The following MYO5A variants were observed in gnomAD, a reference collection of about 807,000 sequenced individuals.
MYO5A encodes the protein myosin VA, also known as unconventional myosin-Va.
A neutral mutation model predicts 249.7 loss-of-function variants in MYO5A; 98 were observed. That is an observed-to-expected ratio of 0.39 (90% CI 0.33 to 0.46). The LOEUF (loss-of-function observed/expected upper bound fraction) is 0.46. Ranked by LOEUF, MYO5A falls within the 20% of genes least tolerant of loss-of-function variation. MYO5A has a pLI of 0.98. For missense variants in MYO5A, 1,696 were observed against 2,308.8 expected (o/e 0.73, Z 5.44); for synonymous variants, 778 against 810.6 (o/e 0.96, Z 0.68).
intron 9 of MYO5A, among the ~76,000 whole-genome samples, chr15:52,404,208 T>G (rs981000869): frequency 7.1e-6 from 1 of 141,084 alleles, no homozygotes; most frequent in African/African-American, 2.7e-5. Flanking sequence ...GAGGTTGCAG[T>G]GAGCCGAGAT....
At chr15:52,385,999 G>C (rs1190003045) in intron 14 of MYO5A, among the ~76,000 whole-genome samples, 2 of 152,164 alleles carry the variant, frequency 1.3e-5, no homozygotes, top group Non-Finnish European at 2.9e-5. Context: ...TCAGAATAAA[G>C]ATAACTGATC....
At chr15:52,509,598 T>C (rs2077349387) in intron 1 of MYO5A, among the ~76,000 whole-genome samples, 1 of 152,214 alleles carries the variant, frequency 6.6e-6, no homozygotes, top group Admixed American at 6.5e-5. Flanking sequence ...AACACACAAA[T>C]GTTTGCTTGC....
chr15:52,322,137 G>C (rs1337346933), intron 37 of MYO5A, among the ~76,000 whole-genome samples: 1 of 152,202 alleles, frequency 6.6e-6, no homozygotes, highest in African/African-American at 2.4e-5. Context: ...CTGATGCTAC[G>C]TGATAAAGGC....
chr15:52,418,031 T>A (rs2043595875), intron 4 of MYO5A, among the ~76,000 whole-genome samples: 1 of 152,060 alleles, frequency 6.6e-6, no homozygotes, highest in Admixed American at 6.6e-5. Flanking sequence ...CTGAACAAGG[T>A]CTACAAAAAT....
At chr15:52,379,986 T>C in intron 16 of MYO5A, 78 bp from the exon 17 acceptor site, 2 of 1,471,796 alleles carry the variant, frequency 1.4e-6, no homozygotes, top group Non-Finnish European at 1.9e-6. Flanking sequence ...AGTCAGGGTG[T>C]AAATTCTTTC....
intron 21 of MYO5A, among the ~76,000 whole-genome samples, chr15:52,370,916 T>C (rs941131899): frequency 1.3e-5 from 2 of 151,894 alleles, no homozygotes; most frequent in African/African-American, 4.8e-5. Context: ...AGTTCAAGAC[T>C]AGCCTGGGCA....
chr15:52,410,181 C>T, intron 6 of MYO5A, 152 bp downstream of exon 6: 1 of 970,090 alleles, frequency 1.0e-6, no homozygotes, highest in Non-Finnish European at 1.6e-6. Context: ...TAACAGGCAC[C>T]ATTTTACAGG....
intron 28 of MYO5A, among the ~76,000 whole-genome samples, chr15:52,350,580 C>A (rs1394805007): frequency 6.6e-6 from 1 of 152,082 alleles, no homozygotes; most frequent in Non-Finnish European, 1.5e-5. Flanking sequence ...GGGAGGCAGG[C>A]CAGGTTTTCA....
At chr15:52,394,110 C>T (rs2042380836) in intron 11 of MYO5A, among the ~76,000 whole-genome samples, 1 of 152,168 alleles carries the variant, frequency 6.6e-6, no homozygotes. Context: ...CCTTCAAACA[C>T]TAAGCATGCC....
At chr15:52,497,629 C>T (rs1326434448) in intron 1 of MYO5A, among the ~76,000 whole-genome samples, 1 of 150,522 alleles carries the variant, frequency 6.6e-6, no homozygotes. Context: ...TGGCAGTGTG[C>T]ACCTGTAGTC....
At chr15:52,457,202 G>A (rs1455689240) in intron 1 of MYO5A, among the ~76,000 whole-genome samples, 4 of 152,142 alleles carry the variant, frequency 2.6e-5, no homozygotes, top group Admixed American at 2.6e-4. Context: ...AACTCTTTGG[G>A]AGGCTGAGGC....
At chr15:52,395,605 A>T (rs2042454246) in intron 11 of MYO5A, among the ~76,000 whole-genome samples, 3 of 152,116 alleles carry the variant, frequency 2.0e-5, no homozygotes, top group Admixed American at 2.0e-4. Flanking sequence ...ATAAAACCAC[A>T]CACAGAAGGT....
At chr15:52,380,387 GAT>G (rs1567070453) in intron 16 of MYO5A, among the ~76,000 whole-genome samples, 1 of 152,018 alleles carries the variant, frequency 6.6e-6, no homozygotes, top group Non-Finnish European at 1.5e-5. Context: ...AGTGAGCCAA[GAT>G]CGCACCACTG....
chr15:52,433,894 A>T (rs2075598919), intron 1 of MYO5A, among the ~76,000 whole-genome samples: 1 of 152,162 alleles, frequency 6.6e-6, no homozygotes, highest in South Asian at 2.1e-4. Context: ...TGTACACATA[A>T]GATCTATTTT....
At chr15:52,452,535 A>T (rs913535671) in intron 1 of MYO5A, among the ~76,000 whole-genome samples, 2 of 152,198 alleles carry the variant, frequency 1.3e-5, no homozygotes, top group Non-Finnish European at 2.9e-5. Context: ...CTCCGCTCTT[A>T]AACTCAGAGG....
chr15:52,335,410 G>T (rs986936724), intron 34 of MYO5A, among the ~76,000 whole-genome samples: 1 of 150,968 alleles, frequency 6.6e-6, no homozygotes, highest in Non-Finnish European at 1.5e-5. Context: ...CAGCTACTCA[G>T]GAGGCTGAGG....
intron 1 of MYO5A, among the ~76,000 whole-genome samples, chr15:52,438,617 G>A (rs1244932221): frequency 6.6e-6 from 1 of 152,158 alleles, no homozygotes; most frequent in Non-Finnish European, 1.5e-5. Context: ...CCATCAGAGA[G>A]CTCACTAAAA....
intron 18 of MYO5A, among the ~76,000 whole-genome samples, chr15:52,376,859 T>C (rs190217525): frequency 6.6e-6 from 1 of 152,196 alleles, no homozygotes; most frequent in African/African-American, 2.4e-5. Flanking sequence ...GTTTGTGTTT[T>C]AAACATCTCA....
chr15:52,431,246 A>AAAAAAAAAAAAAT lies in MYO5A; in HGVS notation c.138+1928_138+1929insATTTTTTTTTTTT, dbSNP rs57077086. ...AATTCCGTCTCAAAAAAAAAAAAAA[A>AAAAAAAAAAAAAT]GTCTAGTGCAGTAGCTGATGCCTTT... On this transcript the variant is annotated intron_variant, in intron 2 of 41. Coordinates refer to ENST00000399233, the MANE Select transcript of MYO5A (RefSeq NM_001382347.1). 2.1e-5 allele frequency among the ~76,000 whole-genome samples: 3 copies of AAAAAAAAAAAAAT among 144,538 alleles called. 1 individual carries two copies. Among genetic ancestry groups the AAAAAAAAAAAAAT allele is most frequent in the Non-Finnish European group, 3.0e-5 (2 of 65,768 alleles). 94.8% of individuals were successfully genotyped at this position (144,538 alleles called of 152,430 possible).
Sources: gnomAD v4.1 joint callset for allele counts (sites outside exome capture counted in the v4.1 genomes callset) on GRCh38, gnomAD v4.1.1 for gene constraint, MANE v1.5 for transcripts, NCBI Gene and HGNC (gene_info 2026-07-23, HGNC 2026-07-21) for gene names.